TAFA1: variants seen among roughly 807,000 people sequenced by gnomAD.
The protein encoded by TAFA1 is chemokine-like protein TAFA-1.
TAFA1 carries 4 observed loss-of-function variants against 18.5 expected under a neutral mutation model. That is an observed-to-expected ratio of 0.22 (90% CI 0.11 to 0.49). TAFA1 has a LOEUF of 0.49. TAFA1 is among the 20% of genes least tolerant of loss of function. The probability of loss-of-function intolerance (pLI) is 0.98; values close to 1 mark genes in which losing one functional copy is unlikely to be tolerated. For missense variants in TAFA1, 147 were observed against 169.0 expected (o/e 0.87, Z 0.72); for synonymous variants, 56 against 55.2 (o/e 1.01, Z -0.06).
intron 2 of TAFA1, among the ~76,000 whole-genome samples, chr3:68,403,544 C>T (rs921166055): frequency 2.0e-5 from 3 of 152,158 alleles, no homozygotes; most frequent in African/African-American, 7.2e-5. Context: ...ATGATCTTCA[C>T]CTTTGAAATG....
At chr3:68,256,653 T>C (rs2107180483) in intron 2 of TAFA1, among the ~76,000 whole-genome samples, 1 of 152,290 alleles carries the variant, frequency 6.6e-6, no homozygotes, top group South Asian at 2.1e-4. Context: ...TGGCATTGTG[T>C]AAAATGTTAT....
At chr3:68,268,758 G>T (rs1483184396) in intron 2 of TAFA1, among the ~76,000 whole-genome samples, 2 of 152,048 alleles carry the variant, frequency 1.3e-5, no homozygotes, top group Non-Finnish European at 2.9e-5. Context: ...TGCTAATGTT[G>T]CTTAACTCAC....
intron 2 of TAFA1, among the ~76,000 whole-genome samples, chr3:68,157,567 C>A (rs1363819181): frequency 6.6e-6 from 1 of 152,144 alleles, no homozygotes; most frequent in Admixed American, 6.5e-5. Context: ...ACTAAGAAAT[C>A]TTATGGTCTC....
chr3:68,127,678 G>C, intron 2 of TAFA1, among the ~76,000 whole-genome samples: 1 of 2,458 alleles, frequency 4.1e-4, no homozygotes, highest in Non-Finnish European at 8.2e-4. Context: ...TGATGGTGGT[G>C]GTGGTGGTGT....
At chr3:68,140,101 A>G (rs1474275725) in intron 2 of TAFA1, among the ~76,000 whole-genome samples, 1 of 152,212 alleles carries the variant, frequency 6.6e-6, no homozygotes, top group Non-Finnish European at 1.5e-5. Flanking sequence ...AGTGAAGAAT[A>G]CATAGTGGGT....
intron 2 of TAFA1, among the ~76,000 whole-genome samples, chr3:68,170,297 A>G (rs571226520): frequency 1.3e-5 from 2 of 152,088 alleles, no homozygotes; most frequent in Non-Finnish European, 2.9e-5. Context: ...AATTTTTACT[A>G]TTTTACTTAT....
intron 3 of TAFA1, among the ~76,000 whole-genome samples, chr3:68,485,171 C>T (rs952695900): frequency 2.0e-5 from 3 of 152,166 alleles, no homozygotes; most frequent in Non-Finnish European, 2.9e-5. Flanking sequence ...ACAATTGCCG[C>T]AGCTACAGGC....
At chr3:68,398,720 G>A (rs915646685) in intron 2 of TAFA1, among the ~76,000 whole-genome samples, 8 of 152,028 alleles carry the variant, frequency 5.3e-5, no homozygotes, top group Admixed American at 3.3e-4. Context: ...ATTAACTTAC[G>A]TAAATGTTTC....
intron 2 of TAFA1, among the ~76,000 whole-genome samples, chr3:68,397,551 T>C (rs2070407633): frequency 6.6e-6 from 1 of 152,212 alleles, no homozygotes; most frequent in Admixed American, 6.5e-5. Flanking sequence ...ATTTTCTTTA[T>C]CCAGTCTATC....
chr3:68,062,959 C>T (rs879031409), intron 2 of TAFA1, among the ~76,000 whole-genome samples: 1 of 152,140 alleles, frequency 6.6e-6, no homozygotes, highest in African/African-American at 2.4e-5. Context: ...ACTTTATCGT[C>T]TAACAGGTGG....
intron 3 of TAFA1, among the ~76,000 whole-genome samples, chr3:68,533,542 T>C (rs573263393): frequency 1.9e-4 from 29 of 152,288 alleles, no homozygotes; most frequent in African/African-American, 7.0e-4. Flanking sequence ...ATGTTGCATG[T>C]GAAAGGAGCA....
At chr3:68,171,834 C>T (rs1439836706) in intron 2 of TAFA1, among the ~76,000 whole-genome samples, 9 of 151,738 alleles carry the variant, frequency 5.9e-5, no homozygotes, top group Admixed American at 5.9e-4. Context: ...CAAGTAGCTA[C>T]TGGAGGGGAC....
intron 2 of TAFA1, among the ~76,000 whole-genome samples, chr3:68,401,826 A>G (rs534279544): frequency 1.3e-5 from 2 of 152,218 alleles, no homozygotes; most frequent in Admixed American, 1.3e-4. Flanking sequence ...ATGAACTGAA[A>G]ATGGGGAAGA....
At chr3:68,536,196 A>T (rs2073276253) in intron 3 of TAFA1, among the ~76,000 whole-genome samples, 3 of 152,236 alleles carry the variant, frequency 2.0e-5, no homozygotes, top group African/African-American at 7.2e-5. Flanking sequence ...CTGAAGTAAG[A>T]AAAGCATAGA....
At chr3:68,508,867 A>G (rs2072805296) in intron 3 of TAFA1, among the ~76,000 whole-genome samples, 1 of 152,062 alleles carries the variant, frequency 6.6e-6, no homozygotes, top group Non-Finnish European at 1.5e-5. Flanking sequence ...GATCACTAGA[A>G]GAAGATGAGA....
intron 2 of TAFA1, among the ~76,000 whole-genome samples, chr3:68,140,956 G>C (rs1415623797): frequency 6.6e-6 from 1 of 152,158 alleles, no homozygotes; most frequent in East Asian, 1.9e-4. Flanking sequence ...ATTTGTTAAA[G>C]TGACTTCAAT....
chr3:68,440,716 C>A (rs760206564), intron 3 of TAFA1, among the ~76,000 whole-genome samples: 10 of 152,150 alleles, frequency 6.6e-5, no homozygotes, highest in Admixed American at 5.9e-4. Flanking sequence ...TTCCCATTGA[C>A]CTTAGTCACA....
chr3:68,129,222 G>A (rs1559531311), intron 2 of TAFA1, among the ~76,000 whole-genome samples: 2 of 152,182 alleles, frequency 1.3e-5, no homozygotes, highest in South Asian at 4.1e-4. Flanking sequence ...CTGGTAAGTG[G>A]TAAAGCCAGG....
intron 3 of TAFA1, among the ~76,000 whole-genome samples, chr3:68,498,998 C>T (rs2072605889): frequency 6.6e-6 from 1 of 151,952 alleles, no homozygotes; most frequent in Non-Finnish European, 1.5e-5. Context: ...TTTCTCTCTC[C>T]TACTTTTGCA....
Sources: gnomAD v4.1 joint callset for allele counts (sites outside exome capture counted in the v4.1 genomes callset) on GRCh38, gnomAD v4.1.1 for gene constraint, MANE v1.5 for transcripts, NCBI Gene and HGNC (gene_info 2026-07-23, HGNC 2026-07-21) for gene names.